PPARGC1A: variants seen among roughly 807,000 people sequenced by gnomAD.
PPARGC1A encodes PPARG coactivator 1 alpha, also known as peroxisome proliferator-activated receptor gamma coactivator 1-alpha.
In PPARGC1A, 25 loss-of-function variants were observed where a neutral mutation model predicts 88.7. The ratio of observed to expected loss-of-function variants is 0.28; its 90% confidence interval spans 0.21 to 0.39. The LOEUF (loss-of-function observed/expected upper bound fraction) is 0.39, where lower values mean the gene tolerates loss of function less well. PPARGC1A is among the 10% of genes least tolerant of loss of function. PPARGC1A has a pLI of 1.00. For synonymous variants in PPARGC1A, 363 were observed against 355.6 expected (o/e 1.02, Z -0.24); for missense variants, 880 against 968.7 (o/e 0.91, Z 1.22).
chr4:23,888,707 C>T (rs930651828), intron 1 of PPARGC1A, among the ~76,000 whole-genome samples: 9 of 152,192 alleles, frequency 5.9e-5, no homozygotes, highest in Non-Finnish European at 1.0e-4. Context: ...CCCGGGCATG[C>T]CTCGCTAGAT....
the PPARGC1A span, among the ~76,000 whole-genome samples, chr4:24,201,594 T>A: frequency 6.6e-6 from 1 of 152,260 alleles, no homozygotes; most frequent in Non-Finnish European, 1.5e-5. Context: ...CCTTCTCTCT[T>A]CTAATTGCAT....
At chr4:24,087,376 ATCT>A in the PPARGC1A span, among the ~76,000 whole-genome samples, 1 of 152,158 alleles carries the variant, frequency 6.6e-6, no homozygotes, top group African/African-American at 2.4e-5. Flanking sequence ...TGAGGAGTTC[ATCT>A]TCTTGTGGGG....
the PPARGC1A span, among the ~76,000 whole-genome samples, chr4:24,201,964 C>T: frequency 1.6e-4 from 24 of 151,230 alleles, no homozygotes; most frequent in Middle Eastern, 3.2e-3. Context: ...TGCAGTGGCG[C>T]GATCTCAGCT....
the PPARGC1A span, among the ~76,000 whole-genome samples, chr4:24,000,887 C>A: frequency 6.6e-6 from 1 of 152,112 alleles, no homozygotes; most frequent in East Asian, 1.9e-4. Flanking sequence ...TCACACAATG[C>A]CAACAACCAG....
chr4:24,147,549 C>T, the PPARGC1A span, among the ~76,000 whole-genome samples: 2 of 152,170 alleles, frequency 1.3e-5, no homozygotes, highest in Non-Finnish European at 2.9e-5. Context: ...CTGCCCATCC[C>T]TATACCCGGT....
chr4:23,802,234 G>A lies in PPARGC1A; in HGVS notation c.2131C>T (p.Arg711Trp), dbSNP rs753923087. Residue 711 changes from arginine to tryptophan, a missense_variant, in exon 11 of 13, where the codon CGG becomes TGG. Physicochemically the swap from Arg to Trp is moderately radical, Grantham distance 101. Coordinates refer to ENST00000264867, the MANE Select transcript of PPARGC1A (RefSeq NM_013261.5). ...GEIEECTVNL[R>W]DDGDSYGFIT... ...CTTGAAGATTCTCACCCATCATCCC[G>A]CAGATTTACTGTGCACTCCTCAATT... The A allele has an allele frequency of 1.5e-5, 24 of 1,613,872 alleles. 1 individual carries two copies. Among genetic ancestry groups the A allele is most frequent in the South Asian group, 6.6e-5 (6 of 91,064 alleles).
chr4:24,128,600 T>C, the PPARGC1A span, among the ~76,000 whole-genome samples: 5 of 148,910 alleles, frequency 3.4e-5, no homozygotes, highest in Non-Finnish European at 5.9e-5. Context: ...CTGTGTACAA[T>C]GGTATGGACG....
chr4:24,223,250 A>ATTT, the PPARGC1A span, among the ~76,000 whole-genome samples: 123 of 135,346 alleles, frequency 9.1e-4, 4 homozygotes, highest in African/African-American at 2.4e-3. Context: ...ACTTTTGTGG[A>ATTT]TTTTTTTTTT....
At chr4:24,274,681 G>C in the PPARGC1A span, among the ~76,000 whole-genome samples, 2 of 152,136 alleles carry the variant, frequency 1.3e-5, no homozygotes, top group African/African-American at 4.8e-5. Flanking sequence ...AGCTAGATTT[G>C]TCTTATCTGC....
chr4:23,991,097 T>G, the PPARGC1A span, among the ~76,000 whole-genome samples: 206 of 152,026 alleles, frequency 1.4e-3, 3 homozygotes, highest in East Asian at 0.036. Context: ...ATTAACCAGG[T>G]GGGAAGGCCC....
chr4:24,074,166 A>G, the PPARGC1A span, among the ~76,000 whole-genome samples: 1 of 152,288 alleles, frequency 6.6e-6, no homozygotes, highest in Non-Finnish European at 1.5e-5. Context: ...CACATGAGGG[A>G]ATGAAAATGA....
chr4:24,296,044 G>A, the PPARGC1A span, among the ~76,000 whole-genome samples: 16 of 127,614 alleles, frequency 1.3e-4, no homozygotes, highest in African/African-American at 2.6e-4. Context: ...ATATGTGTAT[G>A]TGTGTATGTG....
At chr4:23,809,720 T>C (rs947070762) in intron 10 of PPARGC1A, among the ~76,000 whole-genome samples, 4 of 152,244 alleles carry the variant, frequency 2.6e-5, no homozygotes, top group African/African-American at 9.6e-5. Flanking sequence ...TATTTTTTTA[T>C]ACTAAGTCTT....
chr4:24,430,251 ATT>A, the PPARGC1A span, among the ~76,000 whole-genome samples: 2 of 131,678 alleles, frequency 1.5e-5, no homozygotes, highest in Non-Finnish European at 3.2e-5. Flanking sequence ...GATATTTTGT[ATT>A]TCTTTTTTTT....
the PPARGC1A span, among the ~76,000 whole-genome samples, chr4:24,369,596 C>T: frequency 6.6e-6 from 1 of 151,942 alleles, no homozygotes; most frequent in African/African-American, 2.4e-5. Context: ...TGCTCAGGGT[C>T]ACACAGAGAA....
intron 7 of PPARGC1A, among the ~76,000 whole-genome samples, chr4:23,821,541 C>T (rs960919272): frequency 2.6e-5 from 4 of 151,962 alleles, no homozygotes; most frequent in Non-Finnish European, 5.9e-5. Flanking sequence ...AGAGGATACA[C>T]AGCAAGGGCA....
the PPARGC1A span, among the ~76,000 whole-genome samples, chr4:24,051,742 A>G: frequency 5.7e-4 from 87 of 152,286 alleles, no homozygotes; most frequent in East Asian, 7.1e-3. Context: ...GGGGCTGGGA[A>G]GAAATTAGTG....
At chr4:23,858,748 T>C (rs1347266416) in intron 2 of PPARGC1A, among the ~76,000 whole-genome samples, 1 of 152,188 alleles carries the variant, frequency 6.6e-6, no homozygotes, top group East Asian at 1.9e-4. Context: ...CCTTTGTCAT[T>C]GCTAGCAATT....
the PPARGC1A span, among the ~76,000 whole-genome samples, chr4:24,060,667 G>C: frequency 6.6e-6 from 1 of 152,218 alleles, no homozygotes; most frequent in Admixed American, 6.5e-5. Context: ...TACACATTCA[G>C]ATTGTCAGTT....
Sources: allele counts gnomAD v4.1 joint callset (sites outside exome capture counted in the v4.1 genomes callset), GRCh38; gene constraint gnomAD v4.1.1; transcripts MANE v1.5; gene names NCBI Gene and HGNC (gene_info 2026-07-23, HGNC 2026-07-21).